CORO2B: variants seen among roughly 807,000 people sequenced by gnomAD.
The protein encoded by CORO2B is coronin 2B.
Under a neutral mutation model 58.8 loss-of-function variants are expected in CORO2B, and 26 were observed. The observed-to-expected ratio is 0.44, with a 90% CI of 0.32 to 0.61. The LOEUF is 0.61. Among genes scored for constraint, CORO2B ranks in the 20% least tolerant of loss-of-function variants. The probability of loss-of-function intolerance (pLI) is 0.04; values close to 1 mark genes in which losing one functional copy is unlikely to be tolerated. For synonymous variants in CORO2B, 242 were observed against 253.8 expected (o/e 0.95, Z 0.44); for missense variants, 460 against 645.1 (o/e 0.71, Z 3.11).
intron 2 of CORO2B, among the ~76,000 whole-genome samples, chr15:68,667,164 C>G (rs1902218236): frequency 6.6e-6 from 1 of 152,156 alleles, no homozygotes; most frequent in East Asian, 1.9e-4. Flanking sequence ...CACCCTGGCT[C>G]CATGGCTTGG....
At chr15:68,611,424 T>C (rs1900244660) in intron 1 of CORO2B, among the ~76,000 whole-genome samples, 1 of 152,222 alleles carries the variant, frequency 6.6e-6, no homozygotes, top group Non-Finnish European at 1.5e-5. Flanking sequence ...TGACTGTATA[T>C]GACAATTTCC....
intron 3 of CORO2B, among the ~76,000 whole-genome samples, chr15:68,696,550 T>A (rs148917999): frequency 0.015 from 1,077 of 71,012 alleles, 18 homozygotes; most frequent in African/African-American, 0.043. Context: ...AGAGCAAGAC[T>A]CTGCCTCAAA....
chr15:68,640,840 G>C (rs1901193147), intron 1 of CORO2B, among the ~76,000 whole-genome samples: 1 of 152,202 alleles, frequency 6.6e-6, no homozygotes, highest in African/African-American at 2.4e-5. Flanking sequence ...GAAAGAGAAG[G>C]GCTGGGGTAG....
the CORO2B span, among the ~76,000 whole-genome samples, chr15:68,540,622 T>C: frequency 1.3e-5 from 2 of 152,256 alleles, no homozygotes; most frequent in African/African-American, 4.8e-5. Context: ...CTGTATACAT[T>C]TTCCCATTTT....
At chr15:68,617,522 T>A (rs1264577624) in intron 1 of CORO2B, among the ~76,000 whole-genome samples, 1 of 152,106 alleles carries the variant, frequency 6.6e-6, no homozygotes, top group Non-Finnish European at 1.5e-5. Context: ...GTAGTGTGCG[T>A]GTGTGTATGT....
At chr15:68,555,598 TG>T in the CORO2B span, among the ~76,000 whole-genome samples, 1 of 152,234 alleles carries the variant, frequency 6.6e-6, no homozygotes, top group Non-Finnish European at 1.5e-5. Flanking sequence ...TACCAGATGC[TG>T]GGAGAGGGGC....
chr15:68,630,238 T>C (rs967987256), intron 1 of CORO2B, among the ~76,000 whole-genome samples: 23 of 152,144 alleles, frequency 1.5e-4, no homozygotes, highest in African/African-American at 5.3e-4. Context: ...GGGGATGCTG[T>C]GTGGGGTGGT....
chr15:68,568,617 T>G, the CORO2B span, among the ~76,000 whole-genome samples: 1 of 152,214 alleles, frequency 6.6e-6, no homozygotes, highest in Admixed American at 6.5e-5. Context: ...CAATAAACCA[T>G]CCTACCATTT....
rs1479981743 is a variant in CORO2B at position 68,579,052 on chromosome 15, G to A, written c.-211G>A. 4 of 984,360 alleles carry A rather than the reference G, an allele frequency of 4.1e-6. No individual in the cohort carries two copies. The highest frequency in any genetic ancestry group is 3.6e-6 in the Non-Finnish European group (3 of 829,640). 61.0% of individuals were successfully genotyped at this position (984,360 alleles called of 1,614,324 possible). On this transcript the variant is annotated 5_prime_UTR_variant, in exon 1 of 12. Transcript: ENST00000261861. ...CATCTATTATAAATGCACATTCGGG[G>A]CTGACATCAGCGACGAGCGGCGGGC...
chr15:68,561,986 C>T, the CORO2B span, among the ~76,000 whole-genome samples: 1 of 152,124 alleles, frequency 6.6e-6, no homozygotes, highest in Non-Finnish European at 1.5e-5. Flanking sequence ...CCTGTCCCCC[C>T]ACTGGCCTTG....
intron 2 of CORO2B, among the ~76,000 whole-genome samples, chr15:68,667,619 G>A (rs941805829): frequency 6.6e-6 from 1 of 152,214 alleles, no homozygotes; most frequent in East Asian, 1.9e-4. Context: ...TGAGGAGTGG[G>A]ACGGGTGAGG....
chr15:68,572,349 G>C, the CORO2B span, among the ~76,000 whole-genome samples: 1 of 152,116 alleles, frequency 6.6e-6, no homozygotes, highest in Non-Finnish European at 1.5e-5. Flanking sequence ...GTTACCTGCC[G>C]CTTGCCTTGC....
At chr15:68,583,099 C>G (rs1308098421) in intron 1 of CORO2B, among the ~76,000 whole-genome samples, 1 of 152,188 alleles carries the variant, frequency 6.6e-6, no homozygotes, top group African/African-American at 2.4e-5. Context: ...CTGCAGGCAG[C>G]CTTCCCTCTC....
Position 68,645,432 on chromosome 15 carries a change from C to T in CORO2B, c.216+72C>T. On this transcript the variant is annotated intron_variant, in intron 2 of 11. Transcript: ENST00000261861. The surrounding 1 kb of genome is among the most constrained non-coding windows in gnomAD (Gnocchi z 4.5). ...GGAGCCCTCCTTGGTCTCTCTTAGG[C>T]CTGTTGACCCTACTTCTCTCTGAGT... 7.1e-7 allele frequency: 1 copy of T among 1,408,640 alleles called. No homozygotes were observed. Among genetic ancestry groups the T allele is most frequent in the South Asian group, 1.2e-5 (1 of 81,434 alleles). The allele number at this position is 1,408,640 out of a possible 1,614,324, so 87.3% of individuals were successfully genotyped here.
intron 2 of CORO2B, among the ~76,000 whole-genome samples, chr15:68,656,571 C>T (rs781777297): frequency 5.9e-5 from 9 of 152,240 alleles, no homozygotes; most frequent in Non-Finnish European, 1.2e-4. Context: ...TGCTTCAGAA[C>T]CATCCCATTT....
chr15:68,581,595 T>C (rs1899425995), intron 1 of CORO2B, among the ~76,000 whole-genome samples: 1 of 152,220 alleles, frequency 6.6e-6, no homozygotes, highest in African/African-American at 2.4e-5. Context: ...ATGTAAGACT[T>C]GGTTCCAATG....
In CORO2B at chr15:68,645,086, C is replaced by T. The variant is rs1359551193; in HGVS notation, c.16-74C>T. The T allele has an allele frequency of 2.7e-6, 4 of 1,498,162 alleles. No homozygotes were observed. In the African/African-American group the frequency reaches 4.1e-5, roughly 16 times the overall value. 92.8% of individuals were successfully genotyped at this position (1,498,162 alleles called of 1,614,324 possible). A position where few individuals can be genotyped will look rare whatever the true frequency, so the allele number is the denominator to read the frequency against. On this transcript the variant is annotated intron_variant, in intron 1 of 11. Transcript: ENST00000261861. This position sits in a 1 kb window ranked among gnomAD's most constrained non-coding sequence, Gnocchi z 4.5. ...TGCACCTCTGAGCCGCAGCTTCCCTCCCCCAAGAGCCCAGCCGAGGCCCTT... is the reference window on the plus strand; with the variant it reads ...TGCACCTCTGAGCCGCAGCTTCCCTTCCCCAAGAGCCCAGCCGAGGCCCTT...
chr15:68,572,596 T>C, the CORO2B span, among the ~76,000 whole-genome samples: 1 of 152,148 alleles, frequency 6.6e-6, no homozygotes, highest in East Asian at 1.9e-4. Flanking sequence ...AATACCTCCT[T>C]GCTGCTCACC....
At chr15:68,536,437 C>G in the CORO2B span, among the ~76,000 whole-genome samples, 1 of 152,166 alleles carries the variant, frequency 6.6e-6, no homozygotes, top group Admixed American at 6.5e-5. Flanking sequence ...AATTCTAGAA[C>G]CTTAGCCAAT....
Sources: gnomAD v4.1 joint callset for allele counts (sites outside exome capture counted in the v4.1 genomes callset) on GRCh38, gnomAD v4.1.1 for gene constraint, Gnocchi (gnomAD v3.1) non-coding constraint, MANE v1.5 for transcripts, NCBI Gene and HGNC (gene_info 2026-07-23, HGNC 2026-07-21) for gene names.